Variants in MMP7 observed in about 807,000 individuals in gnomAD.
MMP7 encodes the protein matrilysin.
A neutral mutation model predicts 31.5 loss-of-function variants in MMP7; 26 were observed. The ratio of observed to expected loss-of-function variants is 0.83; its 90% CI spans 0.61 to 1.15. The LOEUF (loss-of-function observed/expected upper bound fraction) is 1.15. Ranked by LOEUF, MMP7 falls within the 50% of genes most tolerant of loss-of-function variation. The pLI, the probability that MMP7 is intolerant of heterozygous loss-of-function variation, is 0.00. For synonymous variants in MMP7, 142 were observed against 124.2 expected (o/e 1.14, Z -0.95); for missense variants, 367 against 326.5 (o/e 1.12, Z -0.96).
chr11:102,528,076 A>G (rs1351699706), intron 1 of MMP7, 93 bp from the exon 2 acceptor site: 7 of 864,056 alleles, frequency 8.1e-6, no homozygotes, highest in Non-Finnish European at 1.2e-5. Context: ...GTTCCTGTGA[A>G]TTCAAATAAT....
At chr11:102,521,831 A>G (rs1051554613) in intron 5 of MMP7, among the ~76,000 whole-genome samples, 5 of 152,178 alleles carry the variant, frequency 3.3e-5, no homozygotes, top group Non-Finnish European at 5.9e-5. Flanking sequence ...TGAGTTCCAC[A>G]GTTTTATGTA....
At chr11:102,523,800 C>A (rs1368595617) in intron 4 of MMP7, among the ~76,000 whole-genome samples, 1 of 152,264 alleles carries the variant, frequency 6.6e-6, no homozygotes, top group African/African-American at 2.4e-5. Flanking sequence ...ATCTGTTAAA[C>A]AGAGACAGTA....
chr11:102,521,573 C>T (rs1486145339), intron 5 of MMP7, among the ~76,000 whole-genome samples: 1 of 152,134 alleles, frequency 6.6e-6, no homozygotes, highest in Non-Finnish European at 1.5e-5. Context: ...ATGTTTTCTG[C>T]TCATATTACT....
In MMP7 at chr11:102,526,236, ATATATTTTT is replaced by A. The variant is rs1204571203; in HGVS notation, c.485-1181_485-1173del. 6.1e-5 allele frequency among the ~76,000 whole-genome samples: 8 copies of A among 131,926 alleles called. No individual in the cohort carries two copies. In the East Asian group the frequency reaches 1.6e-3, roughly 27 times the overall value. The allele number at this position is 131,926 out of a possible 152,430, so 86.5% of individuals were successfully genotyped here. ...ACGTAAAAAAAAAAAATATATATAT[ATATATTTTT>A]TTTTTTTCTTTTGAGACATAGTCTT... On this transcript the variant is annotated intron_variant, in intron 3 of 5. Coordinates refer to ENST00000260227, the MANE Select transcript of MMP7 (RefSeq NM_002423.5).
At position 102,527,812 on chromosome 11, in the gene MMP7, C is replaced by T; in HGVS notation, c.280G>A (p.Glu94Lys). ...GGGCTATTTGGAAATAGTGAGTATTCTGCAACATCTGGCACTCCACATCTG... is the reference window on the plus strand; with the variant it reads ...GGGCTATTTGGAAATAGTGAGTATTTTGCAACATCTGGCACTCCACATCTG... ...KPRCGVPDVA[E>K]YSLFPNSPKW... Residue 94 changes from glutamate to lysine, a missense_variant, in exon 2 of 6, where the codon GAA (glutamate) becomes AAA (lysine). Physicochemically the swap from Glu to Lys is moderately conservative, Grantham distance 56. Transcript: ENST00000260227. 1 of 1,614,146 alleles carries T rather than the reference C, an allele frequency of 6.2e-7. No homozygotes were observed. The highest frequency in any genetic ancestry group is 8.5e-7 in the Non-Finnish European group (1 of 1,180,000).
In MMP7 at chr11:102,520,754, A is replaced by T. The variant is rs1858603787; in HGVS notation, c.*22T>A. The T allele has an allele frequency of 6.5e-7, 1 of 1,548,834 alleles. No individual in the cohort carries two copies. The highest frequency in any genetic ancestry group is 1.7e-5 in the Admixed American group (1 of 58,774). ...GATATACAATCCAATGAATGAATGA[A>T]TGGATGTTCTGCCTGAAGTTTCTAT... On this transcript the variant is annotated 3_prime_UTR_variant, in exon 6 of 6. Coordinates refer to ENST00000260227, the MANE Select transcript of MMP7 (RefSeq NM_002423.5).
intron 5 of MMP7, 150 bp from the exon 6 acceptor site, chr11:102,520,954 C>T (rs111542903): frequency 3.5e-4 from 207 of 585,160 alleles, no homozygotes; most frequent in African/African-American, 3.4e-3. Context: ...TTCTGAAGAA[C>T]AACCTCCAGA....
At position 102,530,645 on chromosome 11, in the gene MMP7, G is replaced by C. The variant is rs776622965; in HGVS notation, c.56C>G (p.Pro19Arg). The part of the protein sequence containing the change: ...VCLLPGSLAL[P>R]LPQEAGGMSE... The stretch of plus-strand genomic sequence containing the variant: ...CATGCCTCCCGCCTCCTGAGGCAGC[G>C]GCAGGGCCAGGCTGCCAGGCAGCAG... Residue 19 changes from proline to arginine, a missense_variant, in exon 1 of 6, where the codon CCG (proline) becomes CGG (arginine). Pro to Arg is a moderately radical substitution (Grantham distance 103, BLOSUM62 -2). Transcript: ENST00000260227. The C allele has an allele frequency of 6.2e-7, 1 of 1,613,982 alleles. No individual in the cohort carries two copies. The highest frequency in any genetic ancestry group is 1.1e-5 in the South Asian group (1 of 91,054).
intron 3 of MMP7, among the ~76,000 whole-genome samples, chr11:102,525,823 T>A (rs556998075): frequency 6.6e-6 from 1 of 151,306 alleles, no homozygotes; most frequent in Non-Finnish European, 1.5e-5. Flanking sequence ...GTAAATAGTC[T>A]CTTAGAGAGC....
chr11:102,527,780 C>A lies in MMP7; in HGVS notation c.312G>T (p.Trp104Cys), dbSNP rs1351136974. 1 of 1,614,098 alleles carries A rather than the reference C, an allele frequency of 6.2e-7. No homozygotes were observed. The change falls in exon 2 of 6, where the codon TGG (tryptophan) becomes TGT (cysteine). Residue 104 changes from tryptophan (W) to cysteine (C), a missense_variant. Physicochemically the swap from Trp to Cys is radical, Grantham distance 215. Coordinates refer to ENST00000260227, the MANE Select transcript of MMP7 (RefSeq NM_002423.5). ...ACCTGTAGGTGACCACTTTGGAAGT[C>A]CATTTTGGGCTATTTGGAAATAGTG... ...EYSLFPNSPK[W>C]TSKVVTYRIV...
intron 5 of MMP7, 60 bp from the exon 6 acceptor site, chr11:102,520,864 A>G: frequency 9.0e-7 from 1 of 1,111,596 alleles, no homozygotes; most frequent in Non-Finnish European, 1.3e-6. Flanking sequence ...AACCATCCTA[A>G]GATTATACAG....
At chr11:102,524,427 T>C (rs1319551436) in intron 4 of MMP7, 2 of 152,252 alleles carry the variant, frequency 1.3e-5, no homozygotes, top group African/African-American at 4.8e-5. Flanking sequence ...TGGTTCTTTC[T>C]GGAAAATAGT....
chr11:102,528,160 G>C (rs960963779), intron 1 of MMP7, among the ~76,000 whole-genome samples, 177 bp from the exon 2 acceptor site: 58 of 152,282 alleles, frequency 3.8e-4, no homozygotes, highest in African/African-American at 1.4e-3. Flanking sequence ...ATTTAATATT[G>C]CTAATGAAGC....
chr11:102,526,214 TAAAAAAAAA>T (rs10565156), intron 3 of MMP7, among the ~76,000 whole-genome samples: 4 of 124,016 alleles, frequency 3.2e-5, no homozygotes, highest in Non-Finnish European at 6.5e-5. Context: ...AAAACCCACG[TAAAAAAAAA>T]AAATATATAT....
chr11:102,523,284 A>C lies in MMP7; in HGVS notation c.731T>G (p.Phe244Cys), dbSNP rs1343258925. 5.6e-6 allele frequency: 9 copies of C among 1,611,902 alleles called. No individual in the cohort carries two copies. Among genetic ancestry groups the C allele is most frequent in the Non-Finnish European group, 7.6e-6 (9 of 1,178,556 alleles). Reference sequence around the variant, plus strand: ...TTTAATATCATCCTGGGAAAGTTTAAAATTTTGGGGATCTCCATTTCCATA... The same window carrying C: ...TTTAATATCATCCTGGGAAAGTTTACAATTTTGGGGATCTCCATTTCCATA... ...PTYGNGDPQNFKLSQDDIKGI... is the reference protein window; with the variant it reads ...PTYGNGDPQNCKLSQDDIKGI... Residue 244 changes from phenylalanine to cysteine, a missense_variant, in exon 5 of 6, where the codon TTT becomes TGT. Phe to Cys is a radical substitution (Grantham distance 205). Transcript: ENST00000260227.
chr11:102,529,351 C>T (rs961715551), intron 1 of MMP7, among the ~76,000 whole-genome samples: 1 of 152,088 alleles, frequency 6.6e-6, no homozygotes, highest in African/African-American at 2.4e-5. Context: ...CAGACTTTAC[C>T]AAGACACCCT....
At chr11:102,526,027 A>G (rs577946337) in intron 3 of MMP7, among the ~76,000 whole-genome samples, 3 of 151,950 alleles carry the variant, frequency 2.0e-5, no homozygotes, top group African/African-American at 7.2e-5. Flanking sequence ...AATTTCAGCT[A>G]CAGTAGCCGG....
chr11:102,528,001 A>G lies in MMP7; in HGVS notation c.109-18T>C, dbSNP rs751207018. 6.5e-7 allele frequency: 1 copy of G among 1,543,522 alleles called. No homozygotes were observed. The highest frequency in any genetic ancestry group is 1.4e-5 in the African/African-American group (1 of 73,186). Reference sequence around the variant, plus strand: ...AGATAGTCCTATTGAAAAGAGAGTAATTAATCTATAGTTCTTGTTTATTAT... The same window carrying G: ...AGATAGTCCTATTGAAAAGAGAGTAGTTAATCTATAGTTCTTGTTTATTAT... On this transcript the variant is annotated intron_variant, in intron 1 of 5. Coordinates refer to ENST00000260227, the MANE Select transcript of MMP7 (RefSeq NM_002423.5).
In MMP7 at chr11:102,520,920, C is replaced by T. The variant is rs1025804516; in HGVS notation, c.776-116G>A. The T allele has an allele frequency of 6.1e-6, 4 of 659,736 alleles. No individual in the cohort carries two copies. The African/African-American group carries it at 7.8e-5, about 13-fold the overall frequency. 40.9% of individuals were successfully genotyped at this position (659,736 alleles called of 1,614,324 possible). A position where few individuals can be genotyped will look rare whatever the true frequency, so the allele number is the denominator to read the frequency against. ...AGTATAATCTATTATTCACTCAGAC[C>T]ATTTCTTGTCCCTGGGACAAAGATT... On this transcript the variant is annotated intron_variant, in intron 5 of 5. Transcript: ENST00000260227.
Sources: allele counts gnomAD v4.1 joint callset (sites outside exome capture counted in the v4.1 genomes callset), GRCh38; gene constraint gnomAD v4.1.1; transcripts MANE v1.5; gene names NCBI Gene and HGNC (gene_info 2026-07-23, HGNC 2026-07-21).